Variants in ST6GALNAC3 observed in about 807,000 individuals in gnomAD.
ST6GALNAC3 encodes alpha-N-acetylgalactosaminide alpha-2,6-sialyltransferase 3.
Under a neutral mutation model 32.7 loss-of-function variants are expected in ST6GALNAC3, and 25 were observed. The ratio of observed to expected loss-of-function variants is 0.76; its 90% CI spans 0.56 to 1.07. The LOEUF (loss-of-function observed/expected upper bound fraction) is 1.07. Among genes scored for constraint, ST6GALNAC3 ranks in the 50% least tolerant of loss-of-function variants. The pLI is 0.00. For synonymous variants in ST6GALNAC3, 129 were observed against 133.1 expected (o/e 0.97, Z 0.21); for missense variants, 355 against 382.4 (o/e 0.93, Z 0.60).
At chr1:76,277,451 A>C (rs931930386) in intron 1 of ST6GALNAC3, among the ~76,000 whole-genome samples, 15 of 151,070 alleles carry the variant, frequency 9.9e-5, no homozygotes, top group Non-Finnish European at 1.9e-4. Flanking sequence ...ATTAATTTCT[A>C]TATTCAAAAA....
chr1:76,360,326 G>A (rs983895450), intron 2 of ST6GALNAC3, among the ~76,000 whole-genome samples: 2 of 152,014 alleles, frequency 1.3e-5, no homozygotes, highest in Non-Finnish European at 2.9e-5. Context: ...CAGCTCTCAT[G>A]TTGTTCTCTT....
chr1:76,301,659 T>C (rs1225659807), intron 1 of ST6GALNAC3, among the ~76,000 whole-genome samples: 4 of 151,910 alleles, frequency 2.6e-5, no homozygotes, highest in East Asian at 1.9e-4. Context: ...TGTGTTTCGG[T>C]GAAAGACTGT....
chr1:76,237,614 T>G (rs1323873971), intron 1 of ST6GALNAC3, among the ~76,000 whole-genome samples: 4 of 152,094 alleles, frequency 2.6e-5, no homozygotes, highest in Non-Finnish European at 4.4e-5. Context: ...TCACTATAAA[T>G]GGAGGGAAAA....
chr1:76,150,094 TCTC>T (rs977964914), intron 1 of ST6GALNAC3, among the ~76,000 whole-genome samples: 2 of 152,180 alleles, frequency 1.3e-5, no homozygotes, highest in Non-Finnish European at 2.9e-5. Context: ...TGCGTTTCCT[TCTC>T]CTCAGGATGA....
chr1:76,270,793 C>T (rs1028979917), intron 1 of ST6GALNAC3, among the ~76,000 whole-genome samples: 1 of 152,126 alleles, frequency 6.6e-6, no homozygotes, highest in African/African-American at 2.4e-5. Flanking sequence ...GTGAGGGGTA[C>T]GTGTCCTCAT....
intron 1 of ST6GALNAC3, among the ~76,000 whole-genome samples, chr1:76,251,148 G>A (rs1256142669): frequency 1.3e-5 from 2 of 151,788 alleles, no homozygotes; most frequent in Non-Finnish European, 2.9e-5. Context: ...CTCTGATCAT[G>A]GCTAAACAAC....
chr1:76,601,213 GAAGGAAGGAAGA>G (rs1292309406), intron 3 of ST6GALNAC3, among the ~76,000 whole-genome samples: 4 of 151,936 alleles, frequency 2.6e-5, no homozygotes, highest in African/African-American at 9.7e-5. Flanking sequence ...AAGAAGGAAG[GAAGGAAGGAAGA>G]AAGGAAGGAA....
chr1:76,327,766 T>G (rs1647106130), intron 2 of ST6GALNAC3, among the ~76,000 whole-genome samples: 1 of 152,094 alleles, frequency 6.6e-6, no homozygotes. Context: ...ATTTTTGTAT[T>G]TTTAGTAGAA....
At chr1:76,413,615 A>G (rs748856074) in intron 3 of ST6GALNAC3, among the ~76,000 whole-genome samples, 3 of 152,238 alleles carry the variant, frequency 2.0e-5, no homozygotes, top group South Asian at 2.1e-4. Flanking sequence ...AACATTTTCT[A>G]CTTCTGAGCA....
chr1:76,223,159 A>G (rs761390509), intron 1 of ST6GALNAC3, among the ~76,000 whole-genome samples: 8 of 152,184 alleles, frequency 5.3e-5, no homozygotes, highest in Non-Finnish European at 1.2e-4. Flanking sequence ...CATTGATGGT[A>G]GGGTGGATAA....
At position 76,628,617 on chromosome 1, in the gene ST6GALNAC3, TAGG is replaced by T; in HGVS notation, c.732-1_733del. ...TCTCCTTTTCTTTTTTTTTCTTTTC[TAGG>T]ACAGAAGGGTATAGAAAAGTCCCCT... On this transcript the variant is annotated splice_acceptor_variant and coding_sequence_variant, in exon 5 of 5. Coordinates refer to ENST00000328299, the MANE Select transcript of ST6GALNAC3 (RefSeq NM_152996.4). LOFTEE classifies it high-confidence loss of function. The T allele has an allele frequency of 6.3e-7, 1 of 1,577,696 alleles. No homozygotes were observed. Among genetic ancestry groups the T allele is most frequent in the Non-Finnish European group, 8.6e-7 (1 of 1,169,414 alleles).
At chr1:76,442,192 T>C (rs1313483955) in intron 3 of ST6GALNAC3, among the ~76,000 whole-genome samples, 3 of 152,150 alleles carry the variant, frequency 2.0e-5, no homozygotes, top group Non-Finnish European at 4.4e-5. Context: ...AATTCAATGA[T>C]TAGTCAACTC....
At chr1:76,383,873 T>TA (rs1651904092) in intron 2 of ST6GALNAC3, among the ~76,000 whole-genome samples, 2 of 152,158 alleles carry the variant, frequency 1.3e-5, no homozygotes, top group Admixed American at 1.3e-4. Context: ...AATGCAATTT[T>TA]AGGATGATTA....
intron 1 of ST6GALNAC3, among the ~76,000 whole-genome samples, chr1:76,293,050 T>A (rs993136820): frequency 2.0e-5 from 3 of 152,214 alleles, no homozygotes; most frequent in Admixed American, 6.5e-5. Flanking sequence ...TAAGCTGCCA[T>A]GTCAATCATT....
intron 1 of ST6GALNAC3, among the ~76,000 whole-genome samples, chr1:76,168,727 C>T (rs1318532380): frequency 6.6e-6 from 1 of 152,088 alleles, no homozygotes; most frequent in Admixed American, 6.5e-5. Context: ...TAATGCCCTT[C>T]TTTGTCTTTT....
At chr1:76,447,892 G>A (rs1657100181) in intron 3 of ST6GALNAC3, among the ~76,000 whole-genome samples, 1 of 152,162 alleles carries the variant, frequency 6.6e-6, no homozygotes, top group Admixed American at 6.5e-5. Flanking sequence ...CTGTGCTAGT[G>A]TAGTGTGAAA....
chr1:76,425,395 C>T (rs201031748), intron 3 of ST6GALNAC3, among the ~76,000 whole-genome samples: 1 of 151,978 alleles, frequency 6.6e-6, no homozygotes, highest in East Asian at 1.9e-4. Flanking sequence ...CACCCGCGTA[C>T]ACTCACACCA....
At chr1:76,608,399 G>A (rs547428430) in intron 3 of ST6GALNAC3, among the ~76,000 whole-genome samples, 29 of 152,254 alleles carry the variant, frequency 1.9e-4, no homozygotes, top group African/African-American at 7.0e-4. Flanking sequence ...CTAACGGGAG[G>A]AGAAAGACAA....
At chr1:76,254,185 C>T (rs78080538) in intron 1 of ST6GALNAC3, among the ~76,000 whole-genome samples, 2 of 152,178 alleles carry the variant, frequency 1.3e-5, no homozygotes, top group African/African-American at 2.4e-5. Flanking sequence ...GAATTTAGCA[C>T]GCGATTTTCC....
Sources: gnomAD v4.1 joint callset for allele counts (sites outside exome capture counted in the v4.1 genomes callset) on GRCh38, gnomAD v4.1.1 for gene constraint, MANE v1.5 for transcripts, NCBI Gene and HGNC (gene_info 2026-07-23, HGNC 2026-07-21) for gene names.